The following MXRA7 variants were observed in gnomAD, a reference collection of about 807,000 sequenced individuals.
The protein encoded by MXRA7 is matrix remodeling associated 7.
A neutral mutation model predicts 17.4 loss-of-function variants in MXRA7; 18 were observed. The ratio of observed to expected loss-of-function variants is 1.03; its 90% CI spans 0.71 to 1.53. The LOEUF is 1.53. MXRA7 is among the 40% of genes most tolerant of loss of function. MXRA7 has a pLI of 0.00. For synonymous variants in MXRA7, 70 were observed against 101.7 expected (o/e 0.69, Z 1.87); for missense variants, 141 against 209.3 (o/e 0.67, Z 2.01).
downstream of MXRA7, chr17:76,676,205 C>G (rs1344790861): frequency 6.6e-6 from 1 of 152,210 alleles, no homozygotes; most frequent in African/African-American, 2.4e-5. Flanking sequence ...GGTTCTCTTT[C>G]CCTGCACACA....
intron 1 of MXRA7, among the ~76,000 whole-genome samples, chr17:76,696,253 C>A (rs1219804914): frequency 6.6e-6 from 1 of 152,098 alleles, no homozygotes; most frequent in East Asian, 1.9e-4. Context: ...GGCGCGGTGG[C>A]TCACACCTGT....
chr17:76,708,348 G>A (rs1481322906), intron 1 of MXRA7, among the ~76,000 whole-genome samples: 1 of 152,200 alleles, frequency 6.6e-6, no homozygotes, highest in Non-Finnish European at 1.5e-5. Context: ...CCCCAGGGCA[G>A]TGACTTCCGA....
intron 1 of MXRA7, among the ~76,000 whole-genome samples, chr17:76,702,137 T>C (rs1270455091): frequency 1.3e-5 from 2 of 151,928 alleles, no homozygotes; most frequent in East Asian, 3.9e-4. Flanking sequence ...TGGAAGAGGG[T>C]TGAAGAAAGT....
downstream of MXRA7, among the ~76,000 whole-genome samples, chr17:76,679,302 AAAG>A (rs1330740982): frequency 9.8e-3 from 1,485 of 151,278 alleles, 16 homozygotes; most frequent in Non-Finnish European, 0.016. Flanking sequence ...AAAAAAAAAA[AAAG>A]AAGAAGAAGA....
chr17:76,702,300 A>C (rs897637106), intron 1 of MXRA7, among the ~76,000 whole-genome samples: 3 of 152,174 alleles, frequency 2.0e-5, no homozygotes, highest in African/African-American at 7.2e-5. Context: ...TGAGGCCAGG[A>C]GTTCGAGACC....
rs371468320 is a variant in MXRA7 at position 76,688,154 on chromosome 17, C to T, written c.365G>A (p.Gly122Asp). The part of the protein sequence containing the change: ...ARQEEEQDLD[G>D]EKGPSSEGPE... ...CCCTTCCGATGATGGCCCCTTCTCA[C>T]CATCCAAGTCCTGCTCCTCTTCCTG... is the stretch of plus-strand genomic sequence containing the variant. Residue 122 changes from glycine (G) to aspartate (D), a missense_variant, in exon 2 of 4, where the codon GGT (glycine) becomes GAT (aspartate). Physicochemically the swap from Gly to Asp is moderately conservative, Grantham distance 94 (BLOSUM62 -1). Coordinates refer to ENST00000449428, the MANE Select transcript of MXRA7 (RefSeq NM_198530.4). The T allele has an allele frequency of 9.9e-6, 16 of 1,614,090 alleles. No individual in the cohort carries two copies. Among genetic ancestry groups the T allele is most frequent in the African/African-American group, 8.0e-5 (6 of 74,946 alleles).
chr17:76,705,126 A>G (rs574539668), intron 1 of MXRA7, among the ~76,000 whole-genome samples: 3 of 152,314 alleles, frequency 2.0e-5, no homozygotes, highest in Admixed American at 2.0e-4. Flanking sequence ...CTCAAGACAT[A>G]TTCTTTAAAA....
At chr17:76,687,220 T>G (rs2076409219) in intron 2 of MXRA7, among the ~76,000 whole-genome samples, 1 of 152,168 alleles carries the variant, frequency 6.6e-6, no homozygotes, top group Non-Finnish European at 1.5e-5. Flanking sequence ...GCACCCAAGC[T>G]TCATTCTCCC....
In MXRA7 at chr17:76,681,529, C is replaced by T. The variant is rs2076303522; in HGVS notation, c.501-650G>A. On this transcript the variant is annotated intron_variant, in intron 3 of 3. Transcript: ENST00000449428. The surrounding 1 kb of genome is among the most constrained non-coding windows in gnomAD (Gnocchi z 4.7). ...TCAGATGGAAGAACCAGAACTACCC[C>T]ACAGCTGGGGTTCCTTGGCCTCCTC... Among the ~76,000 whole-genome samples, 1 of 152,130 alleles carries T rather than the reference C, an allele frequency of 6.6e-6. No homozygotes were observed. The highest frequency in any genetic ancestry group is 1.5e-5 in the Non-Finnish European group (1 of 68,018).
downstream of MXRA7, chr17:76,674,686 T>G (rs1436514441): frequency 6.6e-6 from 1 of 152,276 alleles, no homozygotes. Context: ...CAGATGGCCA[T>G]GTATTCAGGG....
chr17:76,707,289 CTCTTT>C (rs2143691851), intron 1 of MXRA7, among the ~76,000 whole-genome samples: 2 of 108,990 alleles, frequency 1.8e-5, no homozygotes, highest in African/African-American at 7.5e-5. Context: ...GAAGTCCCTA[CTCTTT>C]TTTTTTTTTT....
At chr17:76,694,678 C>T (rs1366315876) in intron 1 of MXRA7, among the ~76,000 whole-genome samples, 1 of 152,116 alleles carries the variant, frequency 6.6e-6, no homozygotes, top group Non-Finnish European at 1.5e-5. Context: ...CTTGCCCTTC[C>T]AGGCTCCGTC....
Position 76,680,360 on chromosome 17 carries a change from G to C in MXRA7, c.*507C>G, listed in dbSNP as rs570804539. 1.5e-5 allele frequency: 15 copies of C among 985,650 alleles called. No individual in the cohort carries two copies. In the South Asian group the frequency reaches 7.1e-4, roughly 46 times the overall value. 61.1% of individuals were successfully genotyped at this position (985,650 alleles called of 1,614,324 possible). ...CCAAGCCAGCCACAGAGAGAAGTGG[G>C]GTTCCCAGGGAAAGGGGTCGGCTGA... On this transcript the variant is annotated 3_prime_UTR_variant, in exon 4 of 4. Coordinates refer to ENST00000449428, the MANE Select transcript of MXRA7 (RefSeq NM_198530.4).
chr17:76,674,289 C>A (rs2143546565), exon 4 of MXRA7: 1 of 152,324 alleles, frequency 6.6e-6, no homozygotes, highest in Middle Eastern at 3.4e-3. Context: ...ACTGCTGTTT[C>A]TTTCTGCCCT....
intron 1 of MXRA7, among the ~76,000 whole-genome samples, chr17:76,698,762 G>C (rs2076562665): frequency 9.1e-6 from 1 of 110,084 alleles, no homozygotes; most frequent in South Asian, 3.2e-4. Flanking sequence ...TTGCTCTGTT[G>C]CCCAGGCTGG....
In MXRA7 at chr17:76,681,890, A is replaced by C. The variant is rs2076309283; in HGVS notation, c.501-1011T>G. 6.6e-6 allele frequency among the ~76,000 whole-genome samples: 1 copy of C among 152,194 alleles called. No homozygotes were observed. The highest frequency in any genetic ancestry group is 6.5e-5 in the Admixed American group (1 of 15,284). On this transcript the variant is annotated intron_variant, in intron 3 of 3. Transcript: ENST00000449428. This position sits in a 1 kb window ranked among gnomAD's most constrained non-coding sequence, Gnocchi z 4.7. The stretch of plus-strand genomic sequence containing the variant: ...GCCCACTGTCCTAGCCACACTGTGA[A>C]ACTGGAGGTGGCACTTCCCACAGCA...
In MXRA7 at chr17:76,682,003, T is replaced by C. The variant is rs189326600; in HGVS notation, c.501-1124A>G. 3.3e-3 allele frequency among the ~76,000 whole-genome samples: 495 copies of C among 152,262 alleles called. 6 individuals carry two copies. The highest frequency in any genetic ancestry group is 0.011 in the African/African-American group (477 of 41,538). On this transcript the variant is annotated intron_variant, in intron 3 of 3. Transcript: ENST00000449428. ...GAGAGCTGAGGAGGCGGGCAGACAG[T>C]GGCAAGCAGGATCTTAAGCAGCAGC...
At chr17:76,694,058 G>A (rs895450977) in intron 1 of MXRA7, among the ~76,000 whole-genome samples, 8 of 152,150 alleles carry the variant, frequency 5.3e-5, no homozygotes, top group African/African-American at 1.9e-4. Context: ...CAGTTGGGGC[G>A]GTCAAACCCT....
In MXRA7 at chr17:76,680,879, T is replaced by G; in HGVS notation, c.501A>C (p.Arg167Ser). 3 of 1,607,238 alleles carry G rather than the reference T, an allele frequency of 1.9e-6. No individual in the cohort carries two copies. The highest frequency in any genetic ancestry group is 2.6e-6 in the Non-Finnish European group (3 of 1,175,344). ...MTKEELEEEQ[R>S]TEE The stretch of plus-strand genomic sequence containing the variant: ...AAGGATAACTTCGTTATTCTTCAGT[T>G]CTGTAAAGAGAAATGGGGAGAAAAA... Residue 167 changes from arginine to serine, a missense_variant and splice_region_variant, in exon 4 of 4, where the codon AGA becomes AGC. Around this residue, in one of 3 missense-constraint regions of MXRA7, gnomAD observed 67 missense variants for 80.3 expected, o/e 0.83. Transcript: ENST00000449428.
Sources: gnomAD v4.1 joint callset for allele counts (sites outside exome capture counted in the v4.1 genomes callset) on GRCh38, gnomAD v4.1.1 for gene constraint, gnomAD v4.1.1 regional missense constraint, Gnocchi (gnomAD v3.1) non-coding constraint, MANE v1.5 for transcripts, NCBI Gene and HGNC (gene_info 2026-07-23, HGNC 2026-07-21) for gene names.